Variants in ZZEF1 observed in about 807,000 individuals in gnomAD.
ZZEF1 encodes the protein zinc finger ZZ-type and EF-hand domain-containing protein 1.
ZZEF1 carries 157 observed loss-of-function variants against 342.8 expected under a neutral mutation model. The observed-to-expected ratio is 0.46, with a 90% CI of 0.40 to 0.52. The LOEUF (loss-of-function observed/expected upper bound fraction) is 0.52, where lower values mean the gene tolerates loss of function less well. Among genes scored for constraint, ZZEF1 ranks in the 20% least tolerant of loss-of-function variants. ZZEF1 has a pLI of 0.00. For missense variants in ZZEF1, 3,480 were observed against 3,725.6 expected (o/e 0.93, Z 1.72); for synonymous variants, 1,505 against 1,429.1 (o/e 1.05, Z -1.20).
chr17:4,073,927 C>A (rs2057557882), intron 24 of ZZEF1, among the ~76,000 whole-genome samples: 1 of 151,976 alleles, frequency 6.6e-6, no homozygotes, highest in Admixed American at 6.6e-5. Context: ...CCTCCATAGA[C>A]AGAGAACCCA....
At chr17:4,123,005 C>T (rs1323524196) in intron 2 of ZZEF1, among the ~76,000 whole-genome samples, 4 of 149,754 alleles carry the variant, frequency 2.7e-5, no homozygotes, top group East Asian at 3.9e-4. Context: ...CTGCAAGCTC[C>T]GCCTCCCAGG....
At chr17:4,125,663 T>C (rs1232514662) in intron 1 of ZZEF1, among the ~76,000 whole-genome samples, 2 of 152,136 alleles carry the variant, frequency 1.3e-5, no homozygotes, top group African/African-American at 4.8e-5. Context: ...CTAGACCCAA[T>C]CAAGAAAGGT....
chr17:4,069,684 A>G (rs2057471004), intron 26 of ZZEF1, among the ~76,000 whole-genome samples: 1 of 152,108 alleles, frequency 6.6e-6, no homozygotes, highest in Non-Finnish European at 1.5e-5. Context: ...TACAAACATT[A>G]GCCGGGCGTG....
intron 46 of ZZEF1, among the ~76,000 whole-genome samples, chr17:4,019,339 A>G (rs2056202262): frequency 6.6e-6 from 1 of 152,230 alleles, no homozygotes. Flanking sequence ...TATCTTGAGC[A>G]GAAGTTCCTG....
chr17:4,102,794 T>C (rs1359766826), intron 8 of ZZEF1, among the ~76,000 whole-genome samples: 1 of 152,182 alleles, frequency 6.6e-6, no homozygotes, highest in Non-Finnish European at 1.5e-5. Flanking sequence ...ATATAAAATA[T>C]TTTAGGTCTC....
In ZZEF1 at chr17:4,112,622, G is replaced by A. The variant is rs201639173; in HGVS notation, c.1053C>T (p.Asn351=). 1.8e-4 allele frequency: 287 copies of A among 1,614,126 alleles called. No homozygotes were observed. Among genetic ancestry groups the A allele is most frequent in the Admixed American group, 3.2e-4 (19 of 60,018 alleles). ...TGTTGGACTTACAGAGCTGACTGACGTTGGCATTTTCCAGCAGCGTCACAT... is the reference window on the plus strand; with the variant it reads ...TGTTGGACTTACAGAGCTGACTGACATTGGCATTTTCCAGCAGCGTCACAT... ...TGYVTLLENA[N]VSQLYVQINI... The change falls in exon 5 of 55, where the codon AAC becomes AAT. Residue 351 remains asparagine (N), a synonymous_variant. Coordinates refer to ENST00000381638, the MANE Select transcript of ZZEF1 (RefSeq NM_015113.4).
rs192770450 is a variant in ZZEF1, at chr17:4,040,723, A to G, written c.6306+1706T>C. Among the ~76,000 whole-genome samples, 360 of 152,290 alleles carry G rather than the reference A, an allele frequency of 2.4e-3. 3 individuals are homozygous for G. The highest frequency in any genetic ancestry group is 8.1e-3 in the African/African-American group (337 of 41,564). ...AAATGTTCATTGGAGCAGGGCTGGG[A>G]TGGGGACAGTCGGCTGGCACAGAGC... On this transcript the variant is annotated intron_variant, in intron 39 of 54. Transcript: ENST00000381638.
Position 4,137,329 on chromosome 17 carries a change from G to A in ZZEF1, c.354+5213C>T, listed in dbSNP as rs987197931. Among the ~76,000 whole-genome samples the A allele has an allele frequency of 3.3e-5, 5 of 152,246 alleles. No individual in the cohort carries two copies. In the East Asian group the frequency reaches 7.7e-4, roughly 23 times the overall value. Reference sequence around the variant, plus strand: ...AAGTAAGCAAAAATAATCTCCACTCGGCCAGGTGCGATGGCTCATGCCTGT... The same window carrying A: ...AAGTAAGCAAAAATAATCTCCACTCAGCCAGGTGCGATGGCTCATGCCTGT... On this transcript the variant is annotated intron_variant, in intron 1 of 54. Transcript: ENST00000381638.
intron 32 of ZZEF1, 35 bp downstream of exon 32, chr17:4,057,959 A>G: frequency 1.2e-6 from 2 of 1,601,424 alleles, no homozygotes; most frequent in South Asian, 1.1e-5. Context: ...CATAACCTAC[A>G]TTAGGAACTG....
chr17:4,068,325 T>C (rs769398038), intron 26 of ZZEF1, among the ~76,000 whole-genome samples: 8 of 152,178 alleles, frequency 5.3e-5, no homozygotes, highest in Non-Finnish European at 8.8e-5. Context: ...TTTCCCAGAC[T>C]AGAGTGCAAT....
intron 9 of ZZEF1, among the ~76,000 whole-genome samples, chr17:4,100,953 G>C (rs1297351188): frequency 6.6e-6 from 1 of 152,168 alleles, no homozygotes; most frequent in African/African-American, 2.4e-5. Context: ...GGGTGGTCTT[G>C]GCTTTCTTGG....
At chr17:4,105,499 C>A (rs949386456) in intron 7 of ZZEF1, among the ~76,000 whole-genome samples, 194 bp downstream of exon 7, 1 of 152,222 alleles carries the variant, frequency 6.6e-6, no homozygotes, top group Admixed American at 6.5e-5. Context: ...CTTCCCAATT[C>A]TTCAGGTCAG....
chr17:4,094,549 G>A (rs2727067), intron 11 of ZZEF1, among the ~76,000 whole-genome samples: 77,284 of 149,012 alleles, frequency 0.52, 22,064 homozygotes, highest in East Asian at 0.74. Context: ...ATTGGCTACC[G>A]ATTATCCATT....
At chr17:4,033,649 T>G in intron 40 of ZZEF1, 1 of 254,756 alleles carries the variant, frequency 3.9e-6, no homozygotes, top group African/African-American at 2.2e-5. Context: ...GTGCCCAGCT[T>G]ATTCCTTCAT....
chr17:4,044,337 T>G lies in ZZEF1; in HGVS notation c.6053A>C (p.Asp2018Ala), dbSNP rs1408520445. 6.2e-7 allele frequency: 1 copy of G among 1,614,070 alleles called. No homozygotes were observed. The highest frequency in any genetic ancestry group is 8.5e-7 in the Non-Finnish European group (1 of 1,179,976). The change falls in exon 38 of 55, where the codon GAT becomes GCT. Residue 2018 changes from aspartate (D) to alanine (A), a missense_variant. Asp to Ala is a moderately radical substitution (Grantham distance 126). Around this residue, in one of 5 missense-constraint regions of ZZEF1, gnomAD observed 1,269 missense variants for 1,342.4 expected, o/e 0.95. Coordinates refer to ENST00000381638, the MANE Select transcript of ZZEF1 (RefSeq NM_015113.4). ...RAVHEEIRPV[D>A]FKQRNKADKG... ...ATCTGCCTTATTTCTCTGCTTGAAA[T>G]CTACAGGTCTGATTTCCTCATGAAC... is the stretch of plus-strand genomic sequence containing the variant.
chr17:4,072,399 C>T (rs981993697), intron 25 of ZZEF1, among the ~76,000 whole-genome samples: 3 of 152,204 alleles, frequency 2.0e-5, no homozygotes, highest in African/African-American at 4.8e-5. Flanking sequence ...ACCCAAGTCA[C>T]GCATTCAGTA....
intron 1 of ZZEF1, among the ~76,000 whole-genome samples, chr17:4,124,596 C>T (rs540438935): frequency 6.6e-4 from 98 of 148,066 alleles, no homozygotes; most frequent in African/African-American, 2.4e-3. Flanking sequence ...GCGCCTGCCA[C>T]AACGCCAAGC....
In ZZEF1 at chr17:4,123,283, A is replaced by G. The variant is rs1296049610; in HGVS notation, c.499+624T>C. 3.2e-3 allele frequency among the ~76,000 whole-genome samples: 300 copies of G among 94,224 alleles called. 4 individuals are homozygous for G. Among genetic ancestry groups the G allele is most frequent in the African/African-American group, 0.011 (285 of 24,862 alleles). 61.8% of individuals were successfully genotyped at this position (94,224 alleles called of 152,430 possible). ...TTATCATAACCATATATATATATAT[A>G]TATATATATATATATATATATATAT... is the stretch of plus-strand genomic sequence containing the variant. On this transcript the variant is annotated intron_variant, in intron 2 of 54. Coordinates refer to ENST00000381638, the MANE Select transcript of ZZEF1 (RefSeq NM_015113.4).
At chr17:4,053,972 C>G in intron 34 of ZZEF1, 85 bp downstream of exon 34, 1 of 1,466,098 alleles carries the variant, frequency 6.8e-7, no homozygotes, top group Non-Finnish European at 9.2e-7. Context: ...ATTTAGTACA[C>G]TGAGAGTTTT....
Sources: allele counts gnomAD v4.1 joint callset (sites outside exome capture counted in the v4.1 genomes callset), GRCh38; gene constraint gnomAD v4.1.1; regional missense constraint gnomAD v4.1.1; transcripts MANE v1.5; gene names NCBI Gene and HGNC (gene_info 2026-07-23, HGNC 2026-07-21).